MRPS5: variants seen among roughly 807,000 people sequenced by gnomAD.
The protein encoded by MRPS5 is small ribosomal subunit protein uS5m.
Under a neutral mutation model 51.9 loss-of-function variants are expected in MRPS5, and 27 were observed. That is an observed-to-expected ratio of 0.52 (90% CI 0.38 to 0.72). The LOEUF (loss-of-function observed/expected upper bound fraction) is 0.72. Among genes scored for constraint, MRPS5 ranks in the 30% least tolerant of loss-of-function variants. The pLI, the probability that MRPS5 is intolerant of heterozygous loss-of-function variation, is 0.00. For synonymous variants in MRPS5, 196 were observed against 193.2 expected (o/e 1.01, Z -0.12); for missense variants, 570 against 545.7 (o/e 1.04, Z -0.44).
intron 10 of MRPS5, among the ~76,000 whole-genome samples, chr2:95,099,886 T>A (rs552941826): frequency 7.2e-5 from 11 of 152,262 alleles, no homozygotes; most frequent in Admixed American, 6.5e-5. Context: ...ATACCAAAAG[T>A]TATATAAAAT....
rs746794217 is a variant in MRPS5, at chr2:95,104,705, G to A, written c.698C>T (p.Ala233Val). ...GATCGATTTCTTTCTTCCCTCTTTC[G>A]CAGTCATAGTGAAAACGTTTCTTAC... ...LEVRNVFTMT[A>V]KEGRKKSIRV... The change falls in exon 7 of 12, where the codon GCG becomes GTG. Residue 233 changes from alanine to valine, a missense_variant. Ala to Val is a moderately conservative substitution (Grantham distance 64). Coordinates refer to ENST00000272418, the MANE Select transcript of MRPS5 (RefSeq NM_031902.5). 3.7e-6 allele frequency: 6 copies of A among 1,613,290 alleles called. No individual in the cohort carries two copies. The African/African-American group carries it at 4.0e-5, about 11-fold the overall frequency.
intron 4 of MRPS5, among the ~76,000 whole-genome samples, chr2:95,108,922 T>A (rs900138770): frequency 3.3e-5 from 5 of 152,100 alleles, no homozygotes; most frequent in Non-Finnish European, 4.4e-5. Flanking sequence ...TATATATAAA[T>A]TAATAACAAT....
At chr2:95,113,640 G>A (rs771569435) in intron 3 of MRPS5, among the ~76,000 whole-genome samples, 6 of 152,224 alleles carry the variant, frequency 3.9e-5, no homozygotes, top group Non-Finnish European at 8.8e-5. Context: ...CTCTGTACTG[G>A]AATCTGTAGT....
intron 8 of MRPS5, among the ~76,000 whole-genome samples, chr2:95,101,150 G>A (rs1194756193): frequency 3.9e-5 from 6 of 152,164 alleles, no homozygotes; most frequent in African/African-American, 7.2e-5. Flanking sequence ...TTGGGAGGCC[G>A]AGGCAGGCCA....
chr2:95,117,547 T>C (rs746543202), intron 2 of MRPS5, among the ~76,000 whole-genome samples: 13 of 148,648 alleles, frequency 8.7e-5, no homozygotes, highest in Non-Finnish European at 1.6e-4. Context: ...AATTGATAAA[T>C]TGAAAATTTA....
At chr2:95,113,560 T>C (rs1455676563) in intron 3 of MRPS5, among the ~76,000 whole-genome samples, 1 of 152,172 alleles carries the variant, frequency 6.6e-6, no homozygotes, top group African/African-American at 2.4e-5. Context: ...AAGTCAACTC[T>C]TAGAAAAAAC....
intron 3 of MRPS5, 127 bp downstream of exon 3, chr2:95,114,939 T>C: frequency 1.2e-6 from 1 of 840,308 alleles, no homozygotes; most frequent in Non-Finnish European, 1.7e-6. Flanking sequence ...AGGAACATTT[T>C]CATTTTAACA....
intron 1 of MRPS5, among the ~76,000 whole-genome samples, chr2:95,120,781 T>C (rs750208344): frequency 1.3e-5 from 2 of 151,938 alleles, no homozygotes; most frequent in Non-Finnish European, 2.9e-5. Flanking sequence ...GTGAGGAAAA[T>C]GAAGGAAAGC....
chr2:95,121,760 A>G lies in MRPS5; in HGVS notation c.32T>C (p.Leu11Pro). Reference sequence around the variant, plus strand: ...TGCCGTCCCGCTACACAGCACGGGGAGGCAGCCCACAGCGCGCACCGCGGT... The same window carrying G: ...TGCCGTCCCGCTACACAGCACGGGGGGGCAGCCCACAGCGCGCACCGCGGT... MATAVRAVGCLPVLCSGTAGH... is the reference protein window; with the variant it reads MATAVRAVGCPPVLCSGTAGH... The change falls in exon 1 of 12, where the codon CTC becomes CCC. Residue 11 changes from leucine to proline, a missense_variant. By Grantham distance (98) the Leu-to-Pro change is moderately conservative. Coordinates refer to ENST00000272418, the MANE Select transcript of MRPS5 (RefSeq NM_031902.5). The G allele has an allele frequency of 6.4e-7, 1 of 1,554,186 alleles. No individual in the cohort carries two copies. The highest frequency in any genetic ancestry group is 8.6e-7 in the Non-Finnish European group (1 of 1,159,374).
intron 11 of MRPS5, 137 bp from the exon 12 acceptor site, chr2:95,087,718 T>C: frequency 1.4e-6 from 1 of 724,374 alleles, no homozygotes; most frequent in South Asian, 1.9e-5. Context: ...TAATGTGTTT[T>C]GTGGCTAAAC....
intron 10 of MRPS5, chr2:95,092,659 T>C (rs1350398788): frequency 1.3e-5 from 2 of 152,110 alleles, no homozygotes; most frequent in Non-Finnish European, 2.9e-5. Flanking sequence ...ACCTGAAAAA[T>C]ACAGCTTTGA....
At chr2:95,088,526 T>C (rs1675365273) in intron 11 of MRPS5, among the ~76,000 whole-genome samples, 1 of 152,212 alleles carries the variant, frequency 6.6e-6, no homozygotes, top group Non-Finnish European at 1.5e-5. Flanking sequence ...CTATTCTAAT[T>C]ATATATCTAA....
intron 7 of MRPS5, 32 bp from the exon 8 acceptor site, chr2:95,101,755 GAC>G (rs752792891): frequency 6.4e-7 from 1 of 1,554,266 alleles, no homozygotes; most frequent in Non-Finnish European, 8.7e-7. Context: ...TAAGAAAAGA[GAC>G]AGAAATTTTG....
In MRPS5 at chr2:95,107,258, AT is replaced by A. The variant is rs552532560; in HGVS notation, c.638-802del. ...AGATACTCTACCTTTTCGTAAAGAA[AT>A]AATCTGGAGGCCATAATCATCAATG... On this transcript the variant is annotated intron_variant, in intron 5 of 11. Transcript: ENST00000272418. Among the ~76,000 whole-genome samples the A allele has an allele frequency of 5.3e-5, 8 of 152,336 alleles. No individual in the cohort carries two copies. The South Asian group carries it at 1.7e-3, about 32-fold the overall frequency.
chr2:95,090,176 CAAAAAAAAA>C (rs35901146), intron 11 of MRPS5, among the ~76,000 whole-genome samples: 1 of 43,542 alleles, frequency 2.3e-5, no homozygotes, highest in East Asian at 8.4e-4. Context: ...GACTCCGTCT[CAAAAAAAAA>C]AAAAAAAAAA....
At position 95,104,507 on chromosome 2, in the gene MRPS5, C is replaced by T. The variant is rs1675892350; in HGVS notation, c.763+133G>A. The T allele has an allele frequency of 3.4e-6, 3 of 890,848 alleles. No individual in the cohort carries two copies. In the Admixed American group the frequency reaches 5.7e-5, roughly 17 times the overall value. The allele number at this position is 890,848 out of a possible 1,614,324, so 55.2% of individuals were successfully genotyped here. ...TGGACTTACCACAAGCTTTGTGAACCCAAACCACTAAAAGGTTTAATCAAT... is the reference window on the plus strand; with the variant it reads ...TGGACTTACCACAAGCTTTGTGAACTCAAACCACTAAAAGGTTTAATCAAT... On this transcript the variant is annotated intron_variant, in intron 7 of 11. Coordinates refer to ENST00000272418, the MANE Select transcript of MRPS5 (RefSeq NM_031902.5).
intron 3 of MRPS5, 55 bp downstream of exon 3, chr2:95,115,011 T>C (rs2104427182): frequency 7.0e-7 from 1 of 1,434,126 alleles, no homozygotes; most frequent in East Asian, 2.5e-5. Flanking sequence ...AATTCAGATA[T>C]AAGAAATCCT....
chr2:95,117,307 C>G (rs1343516594), intron 2 of MRPS5, among the ~76,000 whole-genome samples: 1 of 151,762 alleles, frequency 6.6e-6, no homozygotes, highest in African/African-American at 2.4e-5. Context: ...AAAACTATTG[C>G]TATTTGTCTG....
chr2:95,110,077 A>G, intron 3 of MRPS5, 36 bp from the exon 4 acceptor site: 2 of 1,597,444 alleles, frequency 1.3e-6, no homozygotes, highest in East Asian at 4.5e-5. Flanking sequence ...TTAATTCTGT[A>G]GTTTTCAAGC....
Sources: gnomAD v4.1 joint callset for allele counts (sites outside exome capture counted in the v4.1 genomes callset) on GRCh38, gnomAD v4.1.1 for gene constraint, MANE v1.5 for transcripts, NCBI Gene and HGNC (gene_info 2026-07-23, HGNC 2026-07-21) for gene names.